Variants in MARCHF3 observed in about 807,000 individuals in gnomAD.
MARCHF3 encodes the protein E3 ubiquitin-protein ligase MARCHF3.
Under a neutral mutation model 24.2 loss-of-function variants are expected in MARCHF3, and 13 were observed. That is an observed-to-expected ratio of 0.54 (90% CI 0.35 to 0.85). The LOEUF (loss-of-function observed/expected upper bound fraction) is 0.85, where lower values mean the gene tolerates loss of function less well. Ranked by LOEUF, MARCHF3 falls within the 40% of genes least tolerant of loss-of-function variation. The pLI is 0.01. For missense variants in MARCHF3, 276 were observed against 325.0 expected (o/e 0.85, Z 1.16); for synonymous variants, 144 against 137.3 (o/e 1.05, Z -0.34).
intron 1 of MARCHF3, among the ~76,000 whole-genome samples, chr5:126,939,465 T>A (rs1361876361): frequency 6.6e-6 from 1 of 152,228 alleles, no homozygotes; most frequent in Non-Finnish European, 1.5e-5. Context: ...TTCTGGGTGA[T>A]CAGCCTTCAC....
At chr5:126,902,042 G>A (rs1483983877) in intron 3 of MARCHF3, among the ~76,000 whole-genome samples, 1 of 151,950 alleles carries the variant, frequency 6.6e-6, no homozygotes, top group Non-Finnish European at 1.5e-5. Context: ...CTAATTGTTT[G>A]TACATTTGGA....
intron 1 of MARCHF3, among the ~76,000 whole-genome samples, chr5:126,937,125 T>C (rs766887754): frequency 6.6e-6 from 1 of 152,334 alleles, no homozygotes; most frequent in Admixed American, 6.5e-5. Flanking sequence ...AATTCACAAA[T>C]GTCCCCAGCT....
At chr5:126,944,541 C>T (rs2126811565) in intron 1 of MARCHF3, among the ~76,000 whole-genome samples, 1 of 152,316 alleles carries the variant, frequency 6.6e-6, no homozygotes, top group East Asian at 1.9e-4. Context: ...CCTGATATGC[C>T]ATTGCATTCC....
At chr5:126,968,031 T>C (rs561224355) in intron 1 of MARCHF3, among the ~76,000 whole-genome samples, 1 of 152,342 alleles carries the variant, frequency 6.6e-6, no homozygotes, top group South Asian at 2.1e-4. Context: ...TCTGGCTTTA[T>C]CTACTCTGGA....
chr5:126,878,349 C>T lies in MARCHF3; in HGVS notation c.439G>A (p.Gly147Ser), dbSNP rs759076696. The part of the protein sequence containing the change: ...GPQHEKRTLF[G>S]DMVCFLFITP... Reference sequence around the variant, plus strand: ...ATAAACAAGAAGCACACCATGTCGCCAAACAGAGTCCGCTTCTCATGCTGG... The same window carrying T: ...ATAAACAAGAAGCACACCATGTCGCTAAACAGAGTCCGCTTCTCATGCTGG... Residue 147 changes from glycine (G) to serine (S), a missense_variant, in exon 4 of 5, where the codon GGC (glycine) becomes AGC (serine). Coordinates refer to ENST00000308660, the MANE Select transcript of MARCHF3 (RefSeq NM_178450.5). 18 of 1,613,976 alleles carry T rather than the reference C, an allele frequency of 1.1e-5. No individual in the cohort carries two copies. Among genetic ancestry groups the T allele is most frequent in the Non-Finnish European group, 1.4e-5 (17 of 1,179,994 alleles).
chr5:127,021,661 C>T (rs189349402), intron 1 of MARCHF3, among the ~76,000 whole-genome samples: 31 of 152,252 alleles, frequency 2.0e-4, no homozygotes, highest in Non-Finnish European at 3.4e-4. Flanking sequence ...TGGTATCTAA[C>T]TGTGAGATGT....
At chr5:126,932,068 A>C (rs1749495693) in intron 1 of MARCHF3, among the ~76,000 whole-genome samples, 1 of 152,238 alleles carries the variant, frequency 6.6e-6, no homozygotes, top group Non-Finnish European at 1.5e-5. Flanking sequence ...CACACAGCAA[A>C]CACCACTGGC....
At chr5:126,901,996 A>G (rs1754120984) in intron 3 of MARCHF3, among the ~76,000 whole-genome samples, 1 of 152,132 alleles carries the variant, frequency 6.6e-6, no homozygotes, top group Non-Finnish European at 1.5e-5. Context: ...CTGCCTTTCA[A>G]AGAAGTGAAC....
At chr5:126,964,670 T>C (rs1750745350) in intron 1 of MARCHF3, among the ~76,000 whole-genome samples, 1 of 152,228 alleles carries the variant, frequency 6.6e-6, no homozygotes, top group African/African-American at 2.4e-5. Flanking sequence ...CAGCCTAGGC[T>C]GGGGTCCACA....
intron 1 of MARCHF3, among the ~76,000 whole-genome samples, chr5:127,013,303 GCAA>G (rs1752527927): frequency 2.6e-5 from 4 of 152,012 alleles, no homozygotes; most frequent in Admixed American, 1.3e-4. Context: ...AGCTTAGAAA[GCAA>G]CAACAAGAAC....
chr5:126,910,331 G>A (rs192131436), intron 3 of MARCHF3, among the ~76,000 whole-genome samples: 1 of 152,200 alleles, frequency 6.6e-6, no homozygotes, highest in African/African-American at 2.4e-5. Flanking sequence ...CTATTTGCTT[G>A]TCGTAAGATG....
chr5:127,021,189 T>G (rs977362403), intron 1 of MARCHF3, among the ~76,000 whole-genome samples: 30 of 152,100 alleles, frequency 2.0e-4, no homozygotes, highest in Non-Finnish European at 2.9e-4. Flanking sequence ...AAATATCCAT[T>G]TAATACCCAC....
At chr5:126,915,278 G>A in intron 2 of MARCHF3, 144 bp from the exon 3 acceptor site, 1 of 739,624 alleles carries the variant, frequency 1.4e-6, no homozygotes, top group South Asian at 1.8e-5. Flanking sequence ...TTGGCAATGG[G>A]GCAAATGATT....
intron 1 of MARCHF3, among the ~76,000 whole-genome samples, chr5:127,027,784 C>G (rs1355293262): frequency 2.6e-5 from 4 of 152,220 alleles, no homozygotes; most frequent in Non-Finnish European, 4.4e-5. Context: ...TTTGTTAAAT[C>G]AACTCACAGA....
intron 1 of MARCHF3, among the ~76,000 whole-genome samples, chr5:127,015,078 G>A (rs1346457868): frequency 6.6e-6 from 1 of 152,082 alleles, no homozygotes; most frequent in Non-Finnish European, 1.5e-5. Context: ...ACATCACTAT[G>A]TACCCCATAA....
chr5:126,989,316 CTACTACTACTACTACTACTACTAA>C (rs1751668905), intron 1 of MARCHF3, among the ~76,000 whole-genome samples: 2 of 143,410 alleles, frequency 1.4e-5, no homozygotes, highest in East Asian at 2.0e-4. Flanking sequence ...AGTACTACTA[CTACTACTACTACTACTACTACTAA>C]TAATAATAAT....
chr5:126,927,577 G>GT lies in MARCHF3; in HGVS notation c.-56-9351dup, dbSNP rs1749337088. The stretch of plus-strand genomic sequence containing the variant: ...TCAGTCCCCTGCATCTTGGTACAGA[G>GT]TGGCCTCTCTTCCACACCCCCACCT... On this transcript the variant is annotated intron_variant, in intron 1 of 4. Transcript: ENST00000308660. Among the ~76,000 whole-genome samples, 4 of 152,200 alleles carry GT rather than the reference G, an allele frequency of 2.6e-5. No homozygotes were observed. The South Asian group carries it at 8.3e-4, about 31-fold the overall frequency.
At chr5:126,977,192 A>G (rs1751231329) in intron 1 of MARCHF3, among the ~76,000 whole-genome samples, 1 of 152,228 alleles carries the variant, frequency 6.6e-6, no homozygotes, top group Admixed American at 6.5e-5. Context: ...TGCTGAAGTT[A>G]CTGTTGCCCT....
intron 1 of MARCHF3, among the ~76,000 whole-genome samples, chr5:126,988,294 T>C (rs938053218): frequency 1.3e-5 from 2 of 151,968 alleles, no homozygotes; most frequent in Non-Finnish European, 2.9e-5. Flanking sequence ...TAGGCAGCAA[T>C]AACAGGAAAC....
Sources: allele counts gnomAD v4.1 joint callset (sites outside exome capture counted in the v4.1 genomes callset), GRCh38; gene constraint gnomAD v4.1.1; transcripts MANE v1.5; gene names NCBI Gene and HGNC (gene_info 2026-07-23, HGNC 2026-07-21).